SOX5: variants seen among roughly 807,000 people sequenced by gnomAD.
SOX5 encodes the protein SRY-box transcription factor 5.
Under a neutral mutation model 92.0 loss-of-function variants are expected in SOX5, and 9 were observed. The ratio of observed to expected loss-of-function variants is 0.10; its 90% CI spans 0.06 to 0.17. SOX5 has a LOEUF of 0.17. Ranked by LOEUF, SOX5 falls within the 10% of genes least tolerant of loss-of-function variation. The probability of loss-of-function intolerance (pLI) is 1.00; values close to 1 mark genes in which losing one functional copy is unlikely to be tolerated. For missense variants in SOX5, 642 were observed against 944.5 expected (o/e 0.68, Z 4.20); for synonymous variants, 344 against 336.3 (o/e 1.02, Z -0.25).
At chr12:23,976,406 C>CAAAAAAAAAAAAAAAAAAAAAAAA (rs869250917) in intron 4 of SOX5, among the ~76,000 whole-genome samples, 1 of 37,874 alleles carries the variant, frequency 2.6e-5, no homozygotes, top group African/African-American at 8.8e-5. Context: ...AACAAAAAAA[C>CAAAAAAAAAAAAAAAAAAAAAAAA]AAAAAAAAAA....
At chr12:23,807,235 T>C (rs1277542116) in intron 3 of SOX5, among the ~76,000 whole-genome samples, 1 of 152,232 alleles carries the variant, frequency 6.6e-6, no homozygotes, top group Non-Finnish European at 1.5e-5. Context: ...TAGAGTGTTA[T>C]GGTTCGATCT....
At chr12:24,040,428 T>C (rs185537961) in intron 4 of SOX5, among the ~76,000 whole-genome samples, 60 of 152,344 alleles carry the variant, frequency 3.9e-4, no homozygotes, top group Admixed American at 3.5e-3. Context: ...ATTGTAACCA[T>C]ACTGTTATTA....
intron 4 of SOX5, among the ~76,000 whole-genome samples, chr12:24,181,650 C>T (rs1955509772): frequency 6.6e-6 from 1 of 152,056 alleles, no homozygotes; most frequent in Non-Finnish European, 1.5e-5. Flanking sequence ...CAGAAGCATG[C>T]CTGGCACATG....
chr12:24,390,097 A>T (rs1163463987), intron 1 of SOX5, among the ~76,000 whole-genome samples: 1 of 152,076 alleles, frequency 6.6e-6, no homozygotes, highest in African/African-American at 2.4e-5. Flanking sequence ...ATCCTCCCCA[A>T]GTTTCTCGTT....
chr12:24,464,048 G>T (rs527647431), intron 1 of SOX5, among the ~76,000 whole-genome samples: 1 of 152,264 alleles, frequency 6.6e-6, no homozygotes, highest in South Asian at 2.1e-4. Context: ...CTACTGAGCG[G>T]TCGTCTATTA....
intron 6 of SOX5, among the ~76,000 whole-genome samples, chr12:23,687,948 A>G (rs1447133820): frequency 1.3e-5 from 2 of 151,546 alleles, no homozygotes; most frequent in Non-Finnish European, 1.5e-5. Flanking sequence ...CACCTTTCAC[A>G]TATTAGCCTC....
intron 10 of SOX5, among the ~76,000 whole-genome samples, chr12:23,567,850 T>C (rs1385823804): frequency 6.6e-6 from 1 of 152,164 alleles, no homozygotes; most frequent in African/African-American, 2.4e-5. Flanking sequence ...AGTCTCCTTA[T>C]ATATTTTTTT....
chr12:24,320,934 G>C (rs372986367), intron 2 of SOX5, among the ~76,000 whole-genome samples: 1 of 151,968 alleles, frequency 6.6e-6, no homozygotes, highest in South Asian at 2.1e-4. Context: ...TTAAGAAGTC[G>C]TGAAACTGTC....
At chr12:23,649,417 A>C (rs1267635830) in intron 7 of SOX5, among the ~76,000 whole-genome samples, 1 of 152,178 alleles carries the variant, frequency 6.6e-6, no homozygotes, top group Non-Finnish European at 1.5e-5. Context: ...AAAAAATCAG[A>C]TAATGGAAAA....
intron 2 of SOX5, among the ~76,000 whole-genome samples, chr12:23,859,873 A>T (rs1305874832): frequency 6.6e-6 from 1 of 152,216 alleles, no homozygotes; most frequent in African/African-American, 2.4e-5. Flanking sequence ...CCAATAGTTC[A>T]CAATAGAAAA....
chr12:24,413,962 T>C (rs963853679), intron 1 of SOX5, among the ~76,000 whole-genome samples: 3 of 152,218 alleles, frequency 2.0e-5, no homozygotes, highest in Admixed American at 1.3e-4. Flanking sequence ...ATATTTTCTA[T>C]ATTCCCTGAT....
At chr12:23,571,245 C>T (rs1017260496) in intron 10 of SOX5, among the ~76,000 whole-genome samples, 14 of 151,802 alleles carry the variant, frequency 9.2e-5, no homozygotes, top group African/African-American at 3.1e-4. Flanking sequence ...GTGTCTTAAC[C>T]TGGCATGTTG....
chr12:23,987,203 C>T (rs903303788), intron 4 of SOX5, among the ~76,000 whole-genome samples: 3 of 152,170 alleles, frequency 2.0e-5, no homozygotes, highest in African/African-American at 7.2e-5. Flanking sequence ...ATGGTGACAA[C>T]TGCTATGCTG....
intron 1 of SOX5, among the ~76,000 whole-genome samples, chr12:24,514,703 C>A (rs1197944017): frequency 1.3e-5 from 2 of 152,186 alleles, no homozygotes; most frequent in African/African-American, 2.4e-5. Context: ...TACATATACA[C>A]CTTGGAATAC....
intron 1 of SOX5, among the ~76,000 whole-genome samples, chr12:24,381,088 G>A (rs1428242920): frequency 2.0e-5 from 3 of 152,176 alleles, no homozygotes; most frequent in African/African-American, 7.2e-5. Context: ...TGCATTACTA[G>A]TGTGAAGACC....
chr12:24,216,293 C>T (rs1003741543), intron 3 of SOX5, among the ~76,000 whole-genome samples: 1 of 151,466 alleles, frequency 6.6e-6, no homozygotes, highest in Non-Finnish European at 1.5e-5. Context: ...ACCATCCTGG[C>T]TAACACGGTG....
chr12:24,505,076 G>A (rs957140355), intron 1 of SOX5, among the ~76,000 whole-genome samples: 1 of 152,208 alleles, frequency 6.6e-6, no homozygotes, highest in African/African-American at 2.4e-5. Context: ...AGTAAAAACA[G>A]GTTTAAGATC....
At chr12:23,825,188 T>A (rs1659378001) in intron 3 of SOX5, among the ~76,000 whole-genome samples, 1 of 152,152 alleles carries the variant, frequency 6.6e-6, no homozygotes. Flanking sequence ...GCTGTCCAGC[T>A]TTGTGCTTGA....
intron 1 of SOX5, among the ~76,000 whole-genome samples, chr12:24,485,345 T>C (rs796173515): frequency 2.0e-5 from 3 of 152,346 alleles, no homozygotes; most frequent in African/African-American, 7.2e-5. Context: ...TAAAAATAAC[T>C]TTACCAGTAT....
Sources: gnomAD v4.1 joint callset for allele counts (sites outside exome capture counted in the v4.1 genomes callset) on GRCh38, gnomAD v4.1.1 for gene constraint, MANE v1.5 for transcripts, NCBI Gene and HGNC (gene_info 2026-07-23, HGNC 2026-07-21) for gene names.